Variants in KIF1A observed in about 807,000 individuals in gnomAD.
KIF1A encodes the protein kinesin-like protein KIF1A.
In KIF1A, 46 loss-of-function variants were observed where a neutral mutation model predicts 227.3. That is an observed-to-expected ratio of 0.20 (90% confidence interval 0.16 to 0.26). The LOEUF (loss-of-function observed/expected upper bound fraction) is 0.26. Among genes scored for constraint, KIF1A ranks in the 10% least tolerant of loss-of-function variants. The pLI is 1.00. For synonymous variants in KIF1A, 1,022 were observed against 1,012.8 expected, an observed-to-expected ratio of 1.01 and a Z score of -0.17; for missense variants, 1,683 against 2,485.9, an observed-to-expected ratio of 0.68 and a Z score of 6.87.
chr2:240,780,145 G>A (rs1426335166), intron 10 of KIF1A, among the ~76,000 whole-genome samples: 3 of 151,766 alleles, frequency 2.0e-5, no homozygotes, highest in Non-Finnish European at 4.4e-5. Context: ...GATCCCCCGA[G>A]TCCCTGACGC....
At chr2:240,800,996 T>C (rs567612057) in intron 1 of KIF1A, among the ~76,000 whole-genome samples, 2 of 119,840 alleles carry the variant, frequency 1.7e-5, no homozygotes, top group Admixed American at 1.5e-4. Context: ...ACCTCTACAC[T>C]CTTTTATTTT....
chr2:240,794,171 A>G (rs2056090723), intron 2 of KIF1A, among the ~76,000 whole-genome samples: 1 of 152,178 alleles, frequency 6.6e-6, no homozygotes, highest in Non-Finnish European at 1.5e-5. Flanking sequence ...TTCCTCCGTC[A>G]GGCTTCCCTG....
rs1167496936 is a variant in KIF1A at position 240,762,823 on chromosome 2, C to T, written c.2023-11G>A. On this transcript the variant is annotated splice_polypyrimidine_tract_variant and intron_variant, in intron 22 of 48. Transcript: ENST00000498729. ...CTTGCTCTCATAGTCCTGCAGAAAG[C>T]AAGGCCTGTGACTCCACTACGGCCC... 2 of 1,576,406 alleles carry T rather than the reference C, an allele frequency of 1.3e-6. No individual in the cohort carries two copies. The highest frequency in any genetic ancestry group is 1.7e-6 in the Non-Finnish European group (2 of 1,156,532).
At chr2:240,768,026 G>A (rs549414610) in intron 17 of KIF1A, among the ~76,000 whole-genome samples, 1 of 152,358 alleles carries the variant, frequency 6.6e-6, no homozygotes, top group African/African-American at 2.4e-5. Flanking sequence ...GTCCAGCCAG[G>A]AGGGGCTGTG....
chr2:240,757,604 G>C lies in KIF1A; in HGVS notation c.2583-10C>G. 1 of 1,549,996 alleles carries C rather than the reference G, an allele frequency of 6.5e-7. No homozygotes were observed. The highest frequency in any genetic ancestry group is 8.7e-7 in the Non-Finnish European group (1 of 1,146,764). Reference sequence around the variant, plus strand: ...GCCAGAGATGGCTGAACTGAGGTTAGTGCGACAAGACAGAGAGAAGTTAAC... The same window carrying C: ...GCCAGAGATGGCTGAACTGAGGTTACTGCGACAAGACAGAGAGAAGTTAAC... On this transcript the variant is annotated splice_polypyrimidine_tract_variant and intron_variant, in intron 26 of 48. Transcript: ENST00000498729. This position sits in a 1 kb window ranked among gnomAD's most constrained non-coding sequence, Gnocchi z 6.2.
At chr2:240,804,314 G>A (rs565722018) in intron 1 of KIF1A, among the ~76,000 whole-genome samples, 1 of 152,276 alleles carries the variant, frequency 6.6e-6, no homozygotes, top group East Asian at 1.9e-4. Context: ...AGAGCAAAAG[G>A]GCTGAATGGA....
In KIF1A at chr2:240,786,317, G is replaced by C. The variant is rs749379894; in HGVS notation, c.608+18C>G. ...CAGGACAGGAGGGCAGGGAGGTCCA[G>C]TGAGTCCCTCCACCCACCTGGCCTT... On this transcript the variant is annotated intron_variant, in intron 6 of 48. Transcript: ENST00000498729. 1.2e-6 allele frequency: 2 copies of C among 1,608,172 alleles called. No individual in the cohort carries two copies. The highest frequency in any genetic ancestry group is 1.7e-6 in the Non-Finnish European group (2 of 1,175,246).
intron 23 of KIF1A, 65 bp downstream of exon 23, chr2:240,762,654 A>C: frequency 6.8e-7 from 1 of 1,460,800 alleles, no homozygotes. Flanking sequence ...GGAGAGGCCC[A>C]GGGCTGCCCA....
chr2:240,720,788 G>T, intron 45 of KIF1A, 126 bp downstream of exon 45: 1 of 1,199,832 alleles, frequency 8.3e-7, no homozygotes, highest in Non-Finnish European at 1.1e-6. Context: ...CCCTCAGCCT[G>T]TGGCCACCCC....
At chr2:240,759,502 C>T (rs184933384) in intron 25 of KIF1A, among the ~76,000 whole-genome samples, 432 of 152,268 alleles carry the variant, frequency 2.8e-3, no homozygotes, top group Admixed American at 0.01. Context: ...ACTAGCCAAG[C>T]CTAAGCTGTC....
chr2:240,720,954 G>T lies in KIF1A; in HGVS notation c.4828C>A (p.Pro1610Thr). ...CCGTACCGCCCTTCAACCAGAGAGGGGCAAGTGGAGGAGGGGGTGAGAGTG... is the reference window on the plus strand; with the variant it reads ...CCGTACCGCCCTTCAACCAGAGAGGTGCAAGTGGAGGAGGGGGTGAGAGTG... ...VATLTPSSTC[P>T]SLVEGRYGAT... Residue 1610 changes from proline (P) to threonine (T), a missense_variant, in exon 45 of 49, where the codon CCC (proline) becomes ACC (threonine). Physicochemically the swap from Pro to Thr is conservative, Grantham distance 38. Transcript: ENST00000498729. 3 of 1,598,466 alleles carry T rather than the reference G, an allele frequency of 1.9e-6. No individual in the cohort carries two copies. Among genetic ancestry groups the T allele is most frequent in the Non-Finnish European group, 1.7e-6 (2 of 1,173,044 alleles).
rs922228807 is a variant in KIF1A at position 240,792,507 on chromosome 2, C to T, written c.107-3195G>A. On this transcript the variant is annotated intron_variant, in intron 2 of 48. Transcript: ENST00000498729. The surrounding 1 kb of genome is among the most constrained non-coding windows in gnomAD (Gnocchi z 4.5). Reference sequence around the variant, plus strand: ...GCCTGCAAAGGACTGGACACCGAGACGACAGAGACAGCGGGGGGAGGGTTG... The same window carrying T: ...GCCTGCAAAGGACTGGACACCGAGATGACAGAGACAGCGGGGGGAGGGTTG... Among the ~76,000 whole-genome samples the T allele has an allele frequency of 5.9e-5, 9 of 151,322 alleles. No individual in the cohort carries two copies. The highest frequency in any genetic ancestry group is 2.1e-4 in the South Asian group (1 of 4,748).
rs78732120 is a variant in KIF1A, at chr2:240,764,678, G to A, written c.1768+1032C>T. On this transcript the variant is annotated intron_variant, in intron 20 of 48. Coordinates refer to ENST00000498729, the MANE Select transcript of KIF1A (RefSeq NM_001244008.2). ...GTCACTTTTATGTCAGCCTGGCCAG[G>A]CCACAGCACCCAGTGATTCAGCCAC... Among the ~76,000 whole-genome samples the A allele has an allele frequency of 2.8e-4, 42 of 152,262 alleles. No homozygotes were observed. The East Asian group carries it at 6.8e-3, about 25-fold the overall frequency.
rs989357713 is a variant in KIF1A at position 240,736,757 on chromosome 2, C to T, written c.4007+306G>A. 5.9e-5 allele frequency among the ~76,000 whole-genome samples: 9 copies of T among 152,350 alleles called. No individual in the cohort carries two copies. Among genetic ancestry groups the T allele is most frequent in the Non-Finnish European group, 8.8e-5 (6 of 68,034 alleles). ...CATACAGCCACTTGTCCCCACACCA[C>T]GCAACCACAAAACTCCCGAGGACAG... On this transcript the variant is annotated intron_variant, in intron 38 of 48. Transcript: ENST00000498729. This position sits in a 1 kb window ranked among gnomAD's most constrained non-coding sequence, Gnocchi z 4.7.
At chr2:240,777,929 C>T (rs1213003493) in intron 10 of KIF1A, among the ~76,000 whole-genome samples, 5 of 152,222 alleles carry the variant, frequency 3.3e-5, no homozygotes, top group African/African-American at 9.6e-5. Context: ...CAGACAGTCA[C>T]GCGGTTCCCA....
intron 27 of KIF1A, among the ~76,000 whole-genome samples, chr2:240,754,603 T>A (rs1017470462): frequency 6.6e-6 from 1 of 152,184 alleles, no homozygotes; most frequent in Non-Finnish European, 1.5e-5. Context: ...CTCTGCCCAG[T>A]GGAGACACCC....
chr2:240,741,793 C>G (rs1332309531), intron 34 of KIF1A, among the ~76,000 whole-genome samples: 1 of 152,228 alleles, frequency 6.6e-6, no homozygotes. Flanking sequence ...GCCTACTACA[C>G]CTGTCCAAGC....
At chr2:240,742,844 C>A in intron 34 of KIF1A, 85 bp downstream of exon 34, 1 of 1,226,362 alleles carries the variant, frequency 8.2e-7, no homozygotes, top group Non-Finnish European at 1.2e-6. Context: ...CAGAGGACAG[C>A]ATTCACTGCG....
At position 240,723,996 on chromosome 2, in the gene KIF1A, C is replaced by T. The variant is rs879253922; in HGVS notation, c.4297G>A (p.Val1433Met). 8.4e-5 allele frequency: 135 copies of T among 1,612,442 alleles called. No individual in the cohort carries two copies. Among genetic ancestry groups the T allele is most frequent in the Non-Finnish European group, 1.1e-4 (129 of 1,179,764 alleles). ...CTACCTGGGCTGCCCGCGTCAGCCA[C>T]GTGGCACAGGCTGAGCTCGTACACA... ...TGVYELSLCHVADAGSPGMQR... is the reference protein window; with the variant it reads ...TGVYELSLCHMADAGSPGMQR... Residue 1433 changes from valine to methionine, a missense_variant, in exon 41 of 49, where the codon GTG becomes ATG. Coordinates refer to ENST00000498729, the MANE Select transcript of KIF1A (RefSeq NM_001244008.2).
Sources: allele counts gnomAD v4.1 joint callset (sites outside exome capture counted in the v4.1 genomes callset), GRCh38; gene constraint gnomAD v4.1.1; non-coding constraint Gnocchi (gnomAD v3.1); transcripts MANE v1.5; gene names NCBI Gene and HGNC (gene_info 2026-07-23, HGNC 2026-07-21).